The following SLTM variants were observed in gnomAD, a reference collection of about 807,000 sequenced individuals.
SLTM encodes SAFB-like transcription modulator.
In SLTM, 43 loss-of-function variants were observed where a neutral mutation model predicts 134.6. That is an observed-to-expected ratio of 0.32 (90% CI 0.25 to 0.41). The LOEUF is 0.41. Among genes scored for constraint, SLTM ranks in the 10% least tolerant of loss-of-function variants. The pLI is 1.00. For synonymous variants in SLTM, 424 were observed against 432.3 expected (o/e 0.98, Z 0.24); for missense variants, 1,055 against 1,288.8 (o/e 0.82, Z 2.78).
At chr15:58,892,504 G>A (rs8025902) in intron 14 of SLTM, among the ~76,000 whole-genome samples, 142,880 of 152,268 alleles carry the variant, frequency 0.94, 67,686 homozygotes, top group Non-Finnish European at 1. Context: ...TTTTTCCTTT[G>A]AAGTCATGTT....
intron 4 of SLTM, among the ~76,000 whole-genome samples, chr15:58,913,148 T>A (rs1176602315): frequency 6.6e-6 from 1 of 151,926 alleles, no homozygotes; most frequent in Non-Finnish European, 1.5e-5. Context: ...CATCGTGGAG[T>A]AGGAAAAAAG....
intron 19 of SLTM, among the ~76,000 whole-genome samples, chr15:58,886,218 A>AGTGT (rs60261686): frequency 0.021 from 2,644 of 124,416 alleles, 37 homozygotes; most frequent in East Asian, 0.044. Flanking sequence ...GAAAAAGAAG[A>AGTGT]GTGTGTGTGT....
chr15:58,898,941 C>T (rs1595869043), intron 7 of SLTM, 89 bp from the exon 8 acceptor site: 1 of 912,428 alleles, frequency 1.1e-6, no homozygotes, highest in Non-Finnish European at 1.7e-6. Context: ...ATATTTCAAA[C>T]TAGTGCTATT....
At chr15:58,900,071 A>G (rs79508700) in intron 6 of SLTM, 134 bp from the exon 7 acceptor site, 8 of 676,040 alleles carry the variant, frequency 1.2e-5, no homozygotes, top group Non-Finnish European at 2.0e-5. Flanking sequence ...AAAAAAAAAA[A>G]ACACAAGGGT....
intron 2 of SLTM, among the ~76,000 whole-genome samples, chr15:58,926,836 A>T (rs1256118366): frequency 6.6e-6 from 1 of 151,494 alleles, no homozygotes. Flanking sequence ...CTAGTCTCGA[A>T]CTCCTGACCT....
chr15:58,908,652 A>T (rs1399966412), intron 5 of SLTM, among the ~76,000 whole-genome samples: 1 of 151,722 alleles, frequency 6.6e-6, no homozygotes, highest in Non-Finnish European at 1.5e-5. Flanking sequence ...TACAGGCAGG[A>T]GCCACCACAC....
In SLTM at chr15:58,892,897, C is replaced by T; in HGVS notation, c.1898G>A (p.Arg633Lys). Residue 633 changes from arginine to lysine, a missense_variant and splice_region_variant, in exon 14 of 21, where the codon AGA (arginine) becomes AAA (lysine). Physicochemically the swap from Arg to Lys is conservative, Grantham distance 26. This residue lies in a region of SLTM where 776 missense variants were observed against 962.2 expected (regional missense o/e 0.81). Transcript: ENST00000380516. The part of the protein sequence containing the change: ...ERLRRAMELR[R>K]RREIAERERR... ...GGTATAAAACAGACTCTCTTCCTAC[C>T]TTCGAAGTTCCATTGCTCGTCGCAG... 6.2e-7 allele frequency: 1 copy of T among 1,612,788 alleles called. No homozygotes were observed. The highest frequency in any genetic ancestry group is 8.5e-7 in the Non-Finnish European group (1 of 1,179,594).
intron 5 of SLTM, among the ~76,000 whole-genome samples, chr15:58,912,016 C>T (rs545040024): frequency 6.6e-6 from 1 of 151,762 alleles, no homozygotes; most frequent in African/African-American, 2.4e-5. Flanking sequence ...AAAGGATGGA[C>T]TTTTTTCTAA....
Position 58,899,635 on chromosome 15 carries a change from C to T in SLTM, c.892G>A (p.Glu298Lys), listed in dbSNP as rs2035333172. ...CCATCTTTATGGTTCGCATTCATCT[C>T]ATAATCCTTGCTTTCCTTCTCCGGG... Reference protein sequence around the residue: ...QSPEKESKDYEMNANHKDGKK... With the variant: ...QSPEKESKDYKMNANHKDGKK... The change falls in exon 7 of 21, where the codon GAG becomes AAG. Residue 298 changes from glutamate (E) to lysine (K), a missense_variant. By Grantham distance (56) the Glu-to-Lys change is moderately conservative (BLOSUM62 1). Around this residue, in one of 3 missense-constraint regions of SLTM, gnomAD observed 776 missense variants for 962.2 expected, o/e 0.81. Coordinates refer to ENST00000380516, the MANE Select transcript of SLTM (RefSeq NM_024755.4). The surrounding 1 kb of genome is among the most constrained non-coding windows in gnomAD (Gnocchi z 5.0). 1 of 1,614,204 alleles carries T rather than the reference C, an allele frequency of 6.2e-7. No individual in the cohort carries two copies. Among genetic ancestry groups the T allele is most frequent in the Non-Finnish European group, 8.5e-7 (1 of 1,180,014 alleles).
At chr15:58,881,093 C>T (rs1201353292) in intron 20 of SLTM, among the ~76,000 whole-genome samples, 4 of 151,754 alleles carry the variant, frequency 2.6e-5, no homozygotes, top group Non-Finnish European at 4.4e-5. Flanking sequence ...CCGAGGCGGG[C>T]GGATCAAGGA....
At chr15:58,918,005 T>C (rs1215163020) in intron 2 of SLTM, among the ~76,000 whole-genome samples, 1 of 151,898 alleles carries the variant, frequency 6.6e-6, no homozygotes, top group African/African-American at 2.4e-5. Flanking sequence ...CTGCCCGCCT[T>C]AGCCTCCCAA....
rs149508571 is a variant in SLTM, at chr15:58,883,090, G to A, written c.2996+536C>T. On this transcript the variant is annotated intron_variant, in intron 20 of 20. Coordinates refer to ENST00000380516, the MANE Select transcript of SLTM (RefSeq NM_024755.4). Reference sequence around the variant, plus strand: ...AGCACTTTGGGAGGCCAAGGCAGGCGGATCCCCTGAGGTCAGGAGTTCGAG... The same window carrying A: ...AGCACTTTGGGAGGCCAAGGCAGGCAGATCCCCTGAGGTCAGGAGTTCGAG... Among the ~76,000 whole-genome samples the A allele has an allele frequency of 1.7e-3, 258 of 152,298 alleles. 2 individuals carry two copies. In the East Asian group the frequency reaches 0.037, roughly 22 times the overall value.
intron 10 of SLTM, 110 bp from the exon 11 acceptor site, chr15:58,894,303 G>T: frequency 7.1e-7 from 1 of 1,405,550 alleles, no homozygotes; most frequent in Non-Finnish European, 9.8e-7. Context: ...AATATAAGGA[G>T]AGTAAAAACT....
rs916471099 is a variant in SLTM, at chr15:58,897,410, A to C, written c.1109-177T>G. The C allele has an allele frequency of 1.7e-5, 9 of 524,504 alleles. No homozygotes were observed. The East Asian group carries it at 2.4e-4, about 14-fold the overall frequency. 32.5% of individuals were successfully genotyped at this position (524,504 alleles called of 1,614,324 possible). ...ACAACATGACTAGTGAGGGGAAAAA[A>C]TCTGAACGTATGTACATTTCCTATT... is the stretch of plus-strand genomic sequence containing the variant. On this transcript the variant is annotated intron_variant, in intron 8 of 20. Transcript: ENST00000380516.
intron 3 of SLTM, 187 bp downstream of exon 3, chr15:58,916,748 T>G: frequency 2.1e-6 from 1 of 471,478 alleles, no homozygotes; most frequent in Non-Finnish European, 3.7e-6. Flanking sequence ...AAGAAAAAGT[T>G]ATTTACTATA....
intron 2 of SLTM, among the ~76,000 whole-genome samples, chr15:58,927,740 G>A (rs1595951068): frequency 6.6e-6 from 1 of 152,090 alleles, no homozygotes; most frequent in Non-Finnish European, 1.5e-5. Context: ...AGCCTTTCAG[G>A]TACCTAAGAA....
chr15:58,882,881 A>AT (rs1337525453), intron 20 of SLTM, among the ~76,000 whole-genome samples: 3 of 152,244 alleles, frequency 2.0e-5, no homozygotes, highest in Non-Finnish European at 4.4e-5. Flanking sequence ...GTATGAAGAG[A>AT]TTTTGTGTTA....
At chr15:58,894,837 T>C (rs1336569446) in intron 9 of SLTM, among the ~76,000 whole-genome samples, 1 of 151,794 alleles carries the variant, frequency 6.6e-6, no homozygotes, top group Non-Finnish European at 1.5e-5. Flanking sequence ...CTCAAGTAGC[T>C]GGGATTACAG....
In SLTM at chr15:58,889,442, T is replaced by C. The variant is rs1239388970; in HGVS notation, c.2192A>G (p.Asp731Gly). 6.2e-7 allele frequency: 1 copy of C among 1,613,970 alleles called. No homozygotes were observed. The highest frequency in any genetic ancestry group is 8.5e-7 in the Non-Finnish European group (1 of 1,179,840). Residue 731 changes from aspartate (D) to glycine (G), a missense_variant, in exon 16 of 21, where the codon GAT becomes GGT. Coordinates refer to ENST00000380516, the MANE Select transcript of SLTM (RefSeq NM_024755.4). ...EKRNSLKRPR[D>G]VDHRRDDPYW... is the part of the protein sequence containing the mutation. The stretch of plus-strand genomic sequence containing the variant: ...AATGAGTAACTACCTATGATCTACA[T>C]CACGTGGGCGTTTCAAGGAATTCCT...
Sources: allele counts gnomAD v4.1 joint callset (sites outside exome capture counted in the v4.1 genomes callset), GRCh38; gene constraint gnomAD v4.1.1; regional missense constraint gnomAD v4.1.1; non-coding constraint Gnocchi (gnomAD v3.1); transcripts MANE v1.5; gene names NCBI Gene and HGNC (gene_info 2026-07-23, HGNC 2026-07-21).